MIA2: variants seen among roughly 807,000 people sequenced by gnomAD.
The protein encoded by MIA2 is melanoma inhibitory activity protein 2.
In MIA2, 127 loss-of-function variants were observed where a neutral mutation model predicts 167.8. That is an observed-to-expected ratio of 0.76 (90% confidence interval 0.66 to 0.88). MIA2 has a LOEUF of 0.88. MIA2 is among the 40% of genes least tolerant of loss of function. MIA2 has a pLI of 0.00. For synonymous variants in MIA2, 552 were observed against 541.9 expected, an observed-to-expected ratio of 1.02 and a Z score of -0.26; for missense variants, 1,690 against 1,624.7, an observed-to-expected ratio of 1.04 and a Z score of -0.69.
chr14:39,324,971 C>A (rs115725447), intron 24 of MIA2, among the ~76,000 whole-genome samples: 3,074 of 152,200 alleles, frequency 0.02, 106 homozygotes, highest in African/African-American at 0.068. Flanking sequence ...AACTATAATC[C>A]TAGTACTTTG....
downstream of MIA2, among the ~76,000 whole-genome samples, chr14:39,355,448 T>G (rs1231667639): frequency 6.6e-6 from 1 of 152,176 alleles, no homozygotes; most frequent in East Asian, 1.9e-4. Flanking sequence ...TAAGGAGATT[T>G]TGGGCTGAGA....
chr14:39,286,355 G>A (rs1235725300), intron 9 of MIA2, among the ~76,000 whole-genome samples: 2 of 151,902 alleles, frequency 1.3e-5, no homozygotes, highest in East Asian at 3.9e-4. Flanking sequence ...TGAGGCAGGA[G>A]AATCAGGCAG....
chr14:39,364,683 T>C (rs1242713835), intron 23 of MIA2, among the ~76,000 whole-genome samples: 9 of 152,150 alleles, frequency 5.9e-5, no homozygotes, highest in South Asian at 4.2e-4. Flanking sequence ...AGGAATACTT[T>C]GCTGGGTATA....
At chr14:39,382,608 T>C (rs67963654) in intron 23 of MIA2, among the ~76,000 whole-genome samples, 46,580 of 152,090 alleles carry the variant, frequency 0.31, 7,518 homozygotes, top group East Asian at 0.51. Context: ...TAGTCAATTA[T>C]GCATTTGTCT....
At chr14:39,281,271 G>T (rs2058896356) in intron 9 of MIA2, among the ~76,000 whole-genome samples, 1 of 151,712 alleles carries the variant, frequency 6.6e-6, no homozygotes, top group South Asian at 2.1e-4. Flanking sequence ...TCCACATATT[G>T]TTTTTGCCCT....
chr14:39,328,543 G>T (rs1240218702), intron 25 of MIA2, among the ~76,000 whole-genome samples: 1 of 152,144 alleles, frequency 6.6e-6, no homozygotes, highest in Admixed American at 6.5e-5. Flanking sequence ...CTTTGCCTAT[G>T]CCTGTGTCCT....
intron 9 of MIA2, among the ~76,000 whole-genome samples, chr14:39,284,770 AT>A (rs2059392462): frequency 8.7e-6 from 1 of 115,340 alleles, no homozygotes; most frequent in Non-Finnish European, 1.9e-5. Context: ...TTTTTTTTTT[AT>A]TGATCATTCT....
intron 7 of MIA2, among the ~76,000 whole-genome samples, chr14:39,279,091 G>A (rs1366926416): frequency 1.3e-5 from 2 of 150,352 alleles, no homozygotes; most frequent in Non-Finnish European, 2.9e-5. Flanking sequence ...AACCCAGGAG[G>A]TGGAGGTTGC....
At chr14:39,267,112 T>C in intron 6 of MIA2, 2 of 1,127,998 alleles carry the variant, frequency 1.8e-6, no homozygotes, top group Non-Finnish European at 2.2e-6. Context: ...AGGGGAAGTT[T>C]GCGGCTGTCC....
At chr14:39,334,305 T>G (rs946749241) in intron 25 of MIA2, among the ~76,000 whole-genome samples, 1 of 151,958 alleles carries the variant, frequency 6.6e-6, no homozygotes, top group Non-Finnish European at 1.5e-5. Flanking sequence ...CAAAACCCTG[T>G]TCCTACAAAA....
At chr14:39,369,829 GT>G (rs1219673281) in intron 23 of MIA2, among the ~76,000 whole-genome samples, 1 of 144,206 alleles carries the variant, frequency 6.9e-6, no homozygotes, top group Admixed American at 6.9e-5. Flanking sequence ...GCATTATTTT[GT>G]TTTGTTTTGT....
chr14:39,267,765 A>G (rs2056214145), intron 6 of MIA2, among the ~76,000 whole-genome samples: 1 of 152,248 alleles, frequency 6.6e-6, no homozygotes, highest in African/African-American at 2.4e-5. Context: ...GCACTTGCTT[A>G]GCTGGACTTT....
chr14:39,355,758 A>G (rs1407388087), downstream of MIA2, among the ~76,000 whole-genome samples: 1 of 152,212 alleles, frequency 6.6e-6, no homozygotes, highest in Non-Finnish European at 1.5e-5. Flanking sequence ...AGTTTTTGGC[A>G]TGAAGGGCTG....
At chr14:39,343,150 T>A (rs2072394523) in intron 25 of MIA2, among the ~76,000 whole-genome samples, 1 of 152,200 alleles carries the variant, frequency 6.6e-6, no homozygotes, top group East Asian at 1.9e-4. Context: ...TTATTTTCAA[T>A]TTTTATTTTT....
At chr14:39,337,142 C>G (rs961550302) in intron 25 of MIA2, among the ~76,000 whole-genome samples, 2 of 152,124 alleles carry the variant, frequency 1.3e-5, no homozygotes, top group African/African-American at 4.8e-5. Flanking sequence ...ATAAGAAACT[C>G]ATTCGAATAT....
Position 39,291,027 on chromosome 14 carries a change from C to A in MIA2, c.2139C>A (p.Gly713=). The part of the protein sequence containing the change: ...KFSLVQKEYE[G]YEVESSLKDA... The stretch of plus-strand genomic sequence containing the variant: ...ATGTTGCTTTGTTTCAGTATGAAGG[C>A]TATGAAGTAGAGTCATCTTTAAAGG... The change falls in exon 10 of 29, where the codon GGC becomes GGA. Residue 713 remains glycine, a synonymous_variant. Transcript: ENST00000640607. 6.2e-7 allele frequency: 1 copy of A among 1,605,598 alleles called. No individual in the cohort carries two copies. Among genetic ancestry groups the A allele is most frequent in the South Asian group, 1.1e-5 (1 of 89,008 alleles).
chr14:39,367,465 G>A (rs1171042550), intron 23 of MIA2, among the ~76,000 whole-genome samples: 1 of 152,172 alleles, frequency 6.6e-6, no homozygotes, highest in African/African-American at 2.4e-5. Flanking sequence ...CAATGCTAAC[G>A]TGCTATGTCT....
In MIA2 at chr14:39,286,696, C is replaced by CTTTTTTTTTT. The variant is rs35159773; in HGVS notation, c.2131-4317_2131-4308dup. 2.1e-5 allele frequency among the ~76,000 whole-genome samples: 3 copies of CTTTTTTTTTT among 142,690 alleles called. 1 individual carries two copies. Among genetic ancestry groups the CTTTTTTTTTT allele is most frequent in the Non-Finnish European group, 3.0e-5 (2 of 66,014 alleles). The allele number at this position is 142,690 out of a possible 152,430, so 93.6% of individuals were successfully genotyped here. ...TTATCCTTCTCTTCCTTCCTTCTTA[C>CTTTTTTTTTT]TTTTTTTTTTTTTTTGAGACAGGCT... On this transcript the variant is annotated intron_variant, in intron 9 of 28. Transcript: ENST00000640607.
intron 9 of MIA2, among the ~76,000 whole-genome samples, chr14:39,283,671 C>T (rs1015928507): frequency 6.6e-6 from 1 of 152,108 alleles, no homozygotes; most frequent in Non-Finnish European, 1.5e-5. Flanking sequence ...CTTGTCATCT[C>T]TCTTGTCTTT....
Sources: gnomAD v4.1 joint callset for allele counts (sites outside exome capture counted in the v4.1 genomes callset) on GRCh38, gnomAD v4.1.1 for gene constraint, MANE v1.5 for transcripts, NCBI Gene and HGNC (gene_info 2026-07-23, HGNC 2026-07-21) for gene names.